MTUS2: variants seen among roughly 807,000 people sequenced by gnomAD.
MTUS2 encodes microtubule associated scaffold protein 2, also known as microtubule-associated tumor suppressor candidate 2.
In MTUS2, 40 loss-of-function variants were observed where a neutral mutation model predicts 114.1. That is an observed-to-expected ratio of 0.35 (90% CI 0.27 to 0.46). The LOEUF (loss-of-function observed/expected upper bound fraction) is 0.46. MTUS2 is among the 20% of genes least tolerant of loss of function. MTUS2 has a pLI of 1.00. For missense variants in MTUS2, 1,679 were observed against 1,705.4 expected, an observed-to-expected ratio of 0.98 and a Z score of 0.27; for synonymous variants, 688 against 672.0, an observed-to-expected ratio of 1.02 and a Z score of -0.37.
chr13:29,319,174 G>T (rs1900147594), intron 6 of MTUS2, among the ~76,000 whole-genome samples: 1 of 152,132 alleles, frequency 6.6e-6, no homozygotes, highest in Non-Finnish European at 1.5e-5. Context: ...TCTCTGGCCG[G>T]CATTGTATTA....
intron 2 of MTUS2, among the ~76,000 whole-genome samples, chr13:28,975,669 A>T (rs547868143): frequency 6.6e-6 from 1 of 152,304 alleles, no homozygotes; most frequent in Non-Finnish European, 1.5e-5. Flanking sequence ...CAAATATTTG[A>T]TGCATTTTAT....
At chr13:29,170,718 G>GT (rs1893521281) in intron 5 of MTUS2, among the ~76,000 whole-genome samples, 3 of 152,164 alleles carry the variant, frequency 2.0e-5, no homozygotes, top group Admixed American at 2.0e-4. Flanking sequence ...CACACCTGGT[G>GT]TTAGGGCCAA....
At chr13:29,440,153 C>G in intron 9 of MTUS2, 104 bp downstream of exon 9, 1 of 1,115,888 alleles carries the variant, frequency 9.0e-7, no homozygotes, top group Non-Finnish European at 1.3e-6. Flanking sequence ...CCAGTGCAAA[C>G]CTGCCTAGAT....
At chr13:29,000,575 AG>A (rs372137472) in intron 2 of MTUS2, among the ~76,000 whole-genome samples, 49 of 152,284 alleles carry the variant, frequency 3.2e-4, no homozygotes, top group African/African-American at 1.1e-3. Flanking sequence ...CATGTTGTCC[AG>A]GCTGGTCTCA....
chr13:29,003,230 G>T (rs1885461839), intron 2 of MTUS2, among the ~76,000 whole-genome samples: 1 of 152,102 alleles, frequency 6.6e-6, no homozygotes, highest in African/African-American at 2.4e-5. Flanking sequence ...ATAAATTAAT[G>T]ATTTAGTTTT....
At chr13:28,865,965 G>T (rs1284514572) in intron 2 of MTUS2, among the ~76,000 whole-genome samples, 3 of 152,132 alleles carry the variant, frequency 2.0e-5, no homozygotes, top group Admixed American at 6.6e-5. Context: ...CTAGAGTTTG[G>T]ATTTCTACTT....
chr13:29,348,815 TG>T (rs745900547), intron 7 of MTUS2, among the ~76,000 whole-genome samples: 3 of 152,246 alleles, frequency 2.0e-5, no homozygotes, highest in Non-Finnish European at 2.9e-5. Flanking sequence ...TCTTTATCCC[TG>T]GTAATACTTT....
intron 7 of MTUS2, among the ~76,000 whole-genome samples, chr13:29,340,754 GC>G (rs1391930825): frequency 6.6e-6 from 1 of 152,124 alleles, no homozygotes; most frequent in African/African-American, 2.4e-5. Flanking sequence ...CATTACTCTA[GC>G]AGTGTACGTT....
At chr13:28,844,401 CTGTG>C (rs141022118) in intron 2 of MTUS2, among the ~76,000 whole-genome samples, 135 of 151,672 alleles carry the variant, frequency 8.9e-4, no homozygotes, top group African/African-American at 3.1e-3. Flanking sequence ...TTTTAAAATG[CTGTG>C]TGTGTGTGTG....
At chr13:29,235,804 A>G (rs3932642) in intron 5 of MTUS2, among the ~76,000 whole-genome samples, 86,295 of 151,100 alleles carry the variant, frequency 0.57, 24,753 homozygotes, top group Non-Finnish European at 0.59. Context: ...TTTGCATATT[A>G]ATTCTTTATG....
intron 5 of MTUS2, among the ~76,000 whole-genome samples, chr13:29,127,903 T>C (rs1891588592): frequency 6.6e-6 from 1 of 152,158 alleles, no homozygotes; most frequent in African/African-American, 2.4e-5. Flanking sequence ...ATTTTGGGGG[T>C]ATGGCACATA....
chr13:29,290,914 T>G (rs1459380503), intron 6 of MTUS2, among the ~76,000 whole-genome samples: 2 of 152,316 alleles, frequency 1.3e-5, no homozygotes, highest in Admixed American at 6.5e-5. Context: ...AGCTGCCGAA[T>G]AAATGAAAGT....
chr13:29,153,804 A>T (rs1892754070), intron 5 of MTUS2, among the ~76,000 whole-genome samples: 1 of 152,200 alleles, frequency 6.6e-6, no homozygotes, highest in South Asian at 2.1e-4. Context: ...TGTTTCACTT[A>T]AGCTGAAAAA....
intron 4 of MTUS2, among the ~76,000 whole-genome samples, chr13:29,062,211 C>T (rs1477063480): frequency 6.6e-6 from 1 of 152,126 alleles, no homozygotes; most frequent in East Asian, 1.9e-4. Context: ...GTCTTGAACT[C>T]CTGAATTCAA....
At chr13:29,352,170 G>T (rs757193130) in intron 7 of MTUS2, among the ~76,000 whole-genome samples, 1 of 152,150 alleles carries the variant, frequency 6.6e-6, no homozygotes, top group Non-Finnish European at 1.5e-5. Context: ...TCCTAATTTG[G>T]TGAATCATGT....
chr13:29,118,383 C>T (rs974086521), intron 5 of MTUS2, among the ~76,000 whole-genome samples: 1 of 152,100 alleles, frequency 6.6e-6, no homozygotes, highest in Non-Finnish European at 1.5e-5. Context: ...CTCTGATGTC[C>T]TCATCCCGTG....
rs1593437085 is a variant in MTUS2 at position 29,432,008 on chromosome 13, CTAT to C, written c.3118-7973_3118-7971del. On this transcript the variant is annotated intron_variant, in intron 8 of 15. Transcript: ENST00000612955. ...CACAAGTGTGCACTACCACGCTCAG[CTAT>C]TTTTTTTTTTTTTTTTTTTTTGGCA... is the stretch of plus-strand genomic sequence containing the variant. 4.2e-5 allele frequency among the ~76,000 whole-genome samples: 5 copies of C among 119,142 alleles called. 1 individual carries two copies. The highest frequency in any genetic ancestry group is 1.8e-4 in the Admixed American group (2 of 11,332). The allele number at this position is 119,142 out of a possible 152,430, so 78.2% of individuals were successfully genotyped here.
intron 6 of MTUS2, among the ~76,000 whole-genome samples, chr13:29,308,317 A>G (rs567370503): frequency 1.3e-5 from 2 of 152,344 alleles, no homozygotes; most frequent in East Asian, 1.9e-4. Context: ...AGGATTCCCT[A>G]TTTAATAAAT....
chr13:29,218,135 C>T (rs1027502918), intron 5 of MTUS2, among the ~76,000 whole-genome samples: 4 of 149,886 alleles, frequency 2.7e-5, no homozygotes, highest in Non-Finnish European at 5.9e-5. Context: ...AAAACCAAAC[C>T]AAAACAAAAC....
Sources: gnomAD v4.1 joint callset for allele counts (sites outside exome capture counted in the v4.1 genomes callset) on GRCh38, gnomAD v4.1.1 for gene constraint, MANE v1.5 for transcripts, NCBI Gene and HGNC (gene_info 2026-07-23, HGNC 2026-07-21) for gene names.